Variants in RAPGEF4 observed in about 807,000 individuals in gnomAD.
RAPGEF4 encodes the protein RAP guanine-nucleotide-exchange factor (GEF) 4.
A neutral mutation model predicts 147.9 loss-of-function variants in RAPGEF4; 66 were observed. That is an observed-to-expected ratio of 0.45 (90% confidence interval 0.37 to 0.55). RAPGEF4 has a LOEUF of 0.55. Among genes scored for constraint, RAPGEF4 ranks in the 20% least tolerant of loss-of-function variants. RAPGEF4 has a pLI of 0.00. For missense variants in RAPGEF4, 1,071 were observed against 1,257.3 expected (o/e 0.85, Z 2.24); for synonymous variants, 419 against 442.7 (o/e 0.95, Z 0.67).
chr2:172,798,057 A>G (rs1445347593), intron 3 of RAPGEF4, among the ~76,000 whole-genome samples: 1 of 152,166 alleles, frequency 6.6e-6, no homozygotes, highest in Non-Finnish European at 1.5e-5. Flanking sequence ...CTTGTGATGC[A>G]GGGGATGTGT....
intron 9 of RAPGEF4, among the ~76,000 whole-genome samples, chr2:172,966,157 C>G (rs945132877): frequency 1.3e-5 from 2 of 152,176 alleles, no homozygotes; most frequent in Admixed American, 6.5e-5. Flanking sequence ...TATTTAAAAT[C>G]AAGAATGTGC....
At chr2:173,015,285 C>T (rs1174575587) in intron 18 of RAPGEF4, among the ~76,000 whole-genome samples, 4 of 152,140 alleles carry the variant, frequency 2.6e-5, no homozygotes, top group Non-Finnish European at 4.4e-5. Flanking sequence ...CGTTCCTTCC[C>T]GTAGCTCTAG....
Position 172,983,511 on chromosome 2 carries a change from T to C in RAPGEF4, c.1020T>C (p.Thr340=). The C allele has an allele frequency of 6.2e-7, 1 of 1,612,308 alleles. No individual in the cohort carries two copies. The highest frequency in any genetic ancestry group is 8.5e-7 in the Non-Finnish European group (1 of 1,179,820). ...MILRKPPGQR[T]VDDLEIIYEE... The stretch of plus-strand genomic sequence containing the variant: ...ATCTTTGTAGACCTGGCCAGAGGAC[T>C]GTGGATGACCTAGAGATTATCTATG... Residue 340 remains threonine, a synonymous_variant, in exon 11 of 31, where the codon ACT becomes ACC. Coordinates refer to ENST00000397081, the MANE Select transcript of RAPGEF4 (RefSeq NM_007023.4).
chr2:172,763,516 T>C (rs986220607), intron 1 of RAPGEF4, among the ~76,000 whole-genome samples: 2 of 152,154 alleles, frequency 1.3e-5, no homozygotes, highest in African/African-American at 4.8e-5. Context: ...GGAGGTGGCA[T>C]GAAAGCAATA....
intron 18 of RAPGEF4, among the ~76,000 whole-genome samples, chr2:173,015,276 G>A (rs922590434): frequency 5.9e-5 from 9 of 152,260 alleles, no homozygotes; most frequent in Admixed American, 2.0e-4. Flanking sequence ...GCACTTCCCC[G>A]TTCCTTCCCG....
At position 172,897,230 on chromosome 2, in the gene RAPGEF4, T is replaced by C. The variant is rs74642612; in HGVS notation, c.445-20572T>C. 1.3e-3 allele frequency among the ~76,000 whole-genome samples: 199 copies of C among 152,268 alleles called. 2 individuals carry two copies. The East Asian group carries it at 0.03, about 23-fold the overall frequency. ...TATGTTGTATAATTCTGCAGCTTTT[T>C]CAGTATGTGTGCAGCCACCACAACC... On this transcript the variant is annotated intron_variant, in intron 4 of 30. Coordinates refer to ENST00000397081, the MANE Select transcript of RAPGEF4 (RefSeq NM_007023.4).
intron 6 of RAPGEF4, among the ~76,000 whole-genome samples, chr2:172,943,150 G>T (rs1345537902): frequency 1.3e-5 from 2 of 152,160 alleles, no homozygotes; most frequent in Admixed American, 1.3e-4. Context: ...TATTTGAGAA[G>T]CTAAAAAGGA....
At chr2:173,030,699 G>A (rs1697113511) in intron 26 of RAPGEF4, among the ~76,000 whole-genome samples, 1 of 152,198 alleles carries the variant, frequency 6.6e-6, no homozygotes, top group Non-Finnish European at 1.5e-5. Context: ...GGAAGGAAGA[G>A]CCAGGAAGCC....
intron 4 of RAPGEF4, among the ~76,000 whole-genome samples, chr2:172,889,193 G>A (rs1697594641): frequency 6.6e-6 from 1 of 152,128 alleles, no homozygotes. Context: ...TGTTTTAAGA[G>A]TGTGGCACTC....
At chr2:172,891,752 T>C (rs1294200252) in intron 4 of RAPGEF4, among the ~76,000 whole-genome samples, 2 of 152,208 alleles carry the variant, frequency 1.3e-5, no homozygotes, top group Admixed American at 6.5e-5. Flanking sequence ...TCTGCCTTTA[T>C]TCCAATTGAC....
At chr2:173,029,930 C>A (rs1311106993) in intron 25 of RAPGEF4, among the ~76,000 whole-genome samples, 1 of 152,212 alleles carries the variant, frequency 6.6e-6, no homozygotes, top group Non-Finnish European at 1.5e-5. Flanking sequence ...AGTTCCTTCT[C>A]AGATCCCAAA....
chr2:173,033,885 T>A lies in RAPGEF4; in HGVS notation c.2650-29T>A, dbSNP rs537314054. The A allele has an allele frequency of 1.1e-5, 18 of 1,605,958 alleles. No homozygotes were observed. In the South Asian group the frequency reaches 2.0e-4, roughly 18 times the overall value. On this transcript the variant is annotated intron_variant, in intron 26 of 30. Coordinates refer to ENST00000397081, the MANE Select transcript of RAPGEF4 (RefSeq NM_007023.4). ...ATATCTAGATATTGAATCTGACATA[T>A]GCGTGTGGCATTTTCATTTCATTAA...
chr2:172,738,971 T>C (rs1167477246), intron 1 of RAPGEF4, among the ~76,000 whole-genome samples: 5 of 152,224 alleles, frequency 3.3e-5, no homozygotes, highest in Non-Finnish European at 7.3e-5. Flanking sequence ...AAAGCTATCA[T>C]AGACAGGACA....
At chr2:172,819,413 C>T (rs1688824224) in intron 4 of RAPGEF4, among the ~76,000 whole-genome samples, 1 of 147,096 alleles carries the variant, frequency 6.8e-6, no homozygotes. Context: ...TTCTGAATTA[C>T]ATACAGAAGA....
chr2:172,822,046 C>A, intron 4 of RAPGEF4: 1 of 1,563,710 alleles, frequency 6.4e-7, no homozygotes, highest in Non-Finnish European at 8.8e-7. Flanking sequence ...TTACTGTTTG[C>A]ATTTTGGAAT....
intron 6 of RAPGEF4, among the ~76,000 whole-genome samples, chr2:172,923,912 T>A (rs1354393878): frequency 6.6e-6 from 1 of 152,216 alleles, no homozygotes; most frequent in African/African-American, 2.4e-5. Flanking sequence ...ACTGTCCTTT[T>A]GCCTTTTATG....
chr2:172,985,737 T>A (rs964861603), intron 12 of RAPGEF4, among the ~76,000 whole-genome samples: 1 of 152,190 alleles, frequency 6.6e-6, no homozygotes, highest in Non-Finnish European at 1.5e-5. Flanking sequence ...TGAGTCTCAC[T>A]GGCTCCCTAC....
intron 4 of RAPGEF4, among the ~76,000 whole-genome samples, chr2:172,861,526 C>G (rs1694046860): frequency 6.6e-6 from 1 of 152,176 alleles, no homozygotes; most frequent in Admixed American, 6.5e-5. Flanking sequence ...GATGGTGTCC[C>G]TGGCGAGCCT....
intron 22 of RAPGEF4, among the ~76,000 whole-genome samples, chr2:173,020,228 G>A (rs1006637990): frequency 6.6e-6 from 1 of 152,134 alleles, no homozygotes; most frequent in Non-Finnish European, 1.5e-5. Context: ...ATCATGTGAG[G>A]TCTCAGAAAC....
Sources: gnomAD v4.1 joint callset for allele counts (sites outside exome capture counted in the v4.1 genomes callset) on GRCh38, gnomAD v4.1.1 for gene constraint, MANE v1.5 for transcripts, NCBI Gene and HGNC (gene_info 2026-07-23, HGNC 2026-07-21) for gene names.